Variants in MYZAP observed in about 807,000 individuals in gnomAD.
The protein encoded by MYZAP is myocardial zonula adherens protein, also known as GRINL1A complex locus upstream.
Under a neutral mutation model 69.4 loss-of-function variants are expected in MYZAP, and 66 were observed. That is an observed-to-expected ratio of 0.95 (90% CI 0.78 to 1.17). The LOEUF (loss-of-function observed/expected upper bound fraction) is 1.17. MYZAP is among the 50% of genes most tolerant of loss of function. The pLI is 0.00. For missense variants in MYZAP, 611 were observed against 556.2 expected, an observed-to-expected ratio of 1.10 and a Z score of -0.99; for synonymous variants, 256 against 205.9, an observed-to-expected ratio of 1.24 and a Z score of -2.09.
intron 11 of MYZAP, among the ~76,000 whole-genome samples, chr15:57,665,761 A>T (rs1184403939): frequency 2.6e-5 from 4 of 152,200 alleles, no homozygotes; most frequent in Non-Finnish European, 5.9e-5. Context: ...TTAGCTATGG[A>T]GGAGGTCTTG....
intron 6 of MYZAP, among the ~76,000 whole-genome samples, chr15:57,631,747 T>C (rs748129068): frequency 6.6e-6 from 1 of 152,260 alleles, no homozygotes; most frequent in Non-Finnish European, 1.5e-5. Context: ...CTATTGAGTT[T>C]GAAGAATGCT....
Position 57,675,083 on chromosome 15 carries a change from C to T in MYZAP, c.1304+15C>T. The T allele has an allele frequency of 2.6e-6, 4 of 1,515,120 alleles. No homozygotes were observed. The South Asian group carries it at 3.6e-5, about 14-fold the overall frequency. The allele number at this position is 1,515,120 out of a possible 1,614,324, so 93.9% of individuals were successfully genotyped here. A position where few individuals can be genotyped will look rare whatever the true frequency, so the allele number is the denominator to read the frequency against. ...CTTCTACCCAGGTATTTAGGAATTT[C>T]CTGATTTTTTTTTTTATTCAAATTC... is the stretch of plus-strand genomic sequence containing the variant. On this transcript the variant is annotated intron_variant, in intron 12 of 12. Transcript: ENST00000267853.
rs1474410949 is a variant in MYZAP at position 57,598,336 on chromosome 15, C to T, written c.76-5933C>T. On this transcript the variant is annotated intron_variant, in intron 1 of 12. Coordinates refer to ENST00000267853, the MANE Select transcript of MYZAP (RefSeq NM_001018100.5). The stretch of plus-strand genomic sequence containing the variant: ...ATGCTACCTGTCCCTCCCTTGCTAT[C>T]CTTCCCAGGGGGGTTGGTTTCAAGA... Among the ~76,000 whole-genome samples, 8 of 152,082 alleles carry T rather than the reference C, an allele frequency of 5.3e-5. No homozygotes were observed. The East Asian group carries it at 1.5e-3, about 29-fold the overall frequency.
At chr15:57,656,711 C>T (rs1008143379) in intron 10 of MYZAP, among the ~76,000 whole-genome samples, 7 of 152,170 alleles carry the variant, frequency 4.6e-5, no homozygotes, top group Admixed American at 4.6e-4. Flanking sequence ...CTGACTCTGC[C>T]AGCCTTAGCA....
rs757376071 is a variant in MYZAP, at chr15:57,661,467, A to G, written c.1137A>G (p.Lys379=). ...CTTTCTAGATTGAATCATTAAAGAA[A>G]AAGTTGCAACAGAAACAGCTCTTAA... ...QMVEEIESLK[K]KLQQKQLLIL... Residue 379 remains lysine, a synonymous_variant, in exon 11 of 13, where the codon AAA becomes AAG. Coordinates refer to ENST00000267853, the MANE Select transcript of MYZAP (RefSeq NM_001018100.5). The G allele has an allele frequency of 3.1e-6, 5 of 1,608,776 alleles. No homozygotes were observed. In the East Asian group the frequency reaches 8.9e-5, roughly 29 times the overall value.
Position 57,625,869 on chromosome 15 carries a change from G to C in MYZAP, c.502G>C (p.Ala168Pro), listed in dbSNP as rs2036101953. Residue 168 changes from alanine to proline, a missense_variant, in exon 5 of 13, where the codon GCA (alanine) becomes CCA (proline). By Grantham distance (27) the Ala-to-Pro change is conservative. Transcript: ENST00000267853. The stretch of plus-strand genomic sequence containing the variant: ...TTTTAATGCCATGAACTCAGCCTTG[G>C]CATCAGATTCCATTGGCCTGCAGGT... ...DRFNAMNSALASDSIGLQKTL... is the reference protein window; with the variant it reads ...DRFNAMNSALPSDSIGLQKTL... 1 of 1,614,014 alleles carries C rather than the reference G, an allele frequency of 6.2e-7. No homozygotes were observed. Among genetic ancestry groups the C allele is most frequent in the Non-Finnish European group, 8.5e-7 (1 of 1,180,028 alleles).
chr15:57,680,102 C>A (rs1164308435), intron 12 of MYZAP, among the ~76,000 whole-genome samples: 1 of 152,148 alleles, frequency 6.6e-6, no homozygotes, highest in East Asian at 1.9e-4. Context: ...AGGGAAGTAA[C>A]AGGCATAGAA....
At chr15:57,679,410 A>C (rs1393304144) in intron 12 of MYZAP, among the ~76,000 whole-genome samples, 1 of 148,068 alleles carries the variant, frequency 6.8e-6, no homozygotes, top group African/African-American at 2.5e-5. Context: ...CCTCACTAGA[A>C]TATGAGCTCC....
intron 2 of MYZAP, among the ~76,000 whole-genome samples, chr15:57,611,376 C>G (rs1224289140): frequency 1.3e-5 from 2 of 152,178 alleles, no homozygotes; most frequent in Non-Finnish European, 2.9e-5. Flanking sequence ...TTTTATCAGT[C>G]AAGGTTACCG....
In MYZAP at chr15:57,639,669, C is replaced by T. The variant is rs2140465852; in HGVS notation, c.1119+124C>T. On this transcript the variant is annotated intron_variant, in intron 10 of 12. Transcript: ENST00000267853. ...ACAAGCCGAGGTGCTCAGGCCACTG[C>T]CATCTAGGCCCAGAGTGGGATTTCC... The T allele has an allele frequency of 4.9e-6, 5 of 1,030,172 alleles. No individual in the cohort carries two copies. The East Asian group carries it at 1.3e-4, about 27-fold the overall frequency. 63.8% of individuals were successfully genotyped at this position (1,030,172 alleles called of 1,614,324 possible).
At chr15:57,624,506 T>G (rs1489455216) in intron 4 of MYZAP, among the ~76,000 whole-genome samples, 2 of 152,230 alleles carry the variant, frequency 1.3e-5, no homozygotes, top group Non-Finnish European at 2.9e-5. Flanking sequence ...CACTGGCATG[T>G]GGGAGGACAT....
chr15:57,646,630 T>TC (rs1459564803), intron 10 of MYZAP: 1 of 995,064 alleles, frequency 1.0e-6, no homozygotes, highest in East Asian at 1.1e-4. Flanking sequence ...AAGGAGGTGC[T>TC]CCCACCAGAT....
In MYZAP at chr15:57,594,693, A is replaced by G. The variant is rs2033941868; in HGVS notation, c.75+2584A>G. On this transcript the variant is annotated intron_variant, in intron 1 of 12. Coordinates refer to ENST00000267853, the MANE Select transcript of MYZAP (RefSeq NM_001018100.5). ...GATTACGCAACGACAAAAATCATCA[A>G]ATGATGCATTTCTCAGAGTGCATCT... Among the ~76,000 whole-genome samples the G allele has an allele frequency of 2.0e-5, 3 of 152,308 alleles. No homozygotes were observed. The South Asian group carries it at 6.2e-4, about 32-fold the overall frequency.
chr15:57,678,612 T>C (rs2039262218), intron 12 of MYZAP, among the ~76,000 whole-genome samples: 1 of 152,128 alleles, frequency 6.6e-6, no homozygotes, highest in Non-Finnish European at 1.5e-5. Flanking sequence ...AGTACTTCAG[T>C]ATGCATTGGG....
chr15:57,668,875 T>G (rs1471679393), intron 11 of MYZAP, among the ~76,000 whole-genome samples: 3 of 26,434 alleles, frequency 1.1e-4, no homozygotes, highest in African/African-American at 1.7e-4. Flanking sequence ...CTGTTGAAGA[T>G]ATATATATAT....
intron 7 of MYZAP, 89 bp from the exon 8 acceptor site, chr15:57,633,523 CG>C: frequency 3.6e-6 from 5 of 1,402,274 alleles, no homozygotes; most frequent in Non-Finnish European, 4.7e-6. Context: ...AAAGAGAAAT[CG>C]TGATCTAGCA....
At chr15:57,654,375 TTGA>T (rs1382037146) in intron 10 of MYZAP, among the ~76,000 whole-genome samples, 4 of 151,744 alleles carry the variant, frequency 2.6e-5, no homozygotes, top group African/African-American at 9.7e-5. Flanking sequence ...GGAGGGGGAG[TTGA>T]TTCTACACAT....
intron 11 of MYZAP, among the ~76,000 whole-genome samples, chr15:57,664,547 C>T (rs571866522): frequency 2.2e-4 from 34 of 152,218 alleles, no homozygotes; most frequent in Non-Finnish European, 4.1e-4. Context: ...CTTGATTGCT[C>T]TACGGCACGG....
intron 3 of MYZAP, among the ~76,000 whole-genome samples, chr15:57,620,759 T>C (rs931465443): frequency 8.5e-5 from 13 of 152,184 alleles, no homozygotes; most frequent in Admixed American, 5.9e-4. Flanking sequence ...TCAGGGCCGA[T>C]AGAGGGAAAA....
Sources: allele counts gnomAD v4.1 joint callset (sites outside exome capture counted in the v4.1 genomes callset), GRCh38; gene constraint gnomAD v4.1.1; transcripts MANE v1.5; gene names NCBI Gene and HGNC (gene_info 2026-07-23, HGNC 2026-07-21).